Variants in BRD1 observed in about 807,000 individuals in gnomAD.
BRD1 encodes bromodomain containing 1.
Under a neutral mutation model 107.7 loss-of-function variants are expected in BRD1, and 24 were observed. That is an observed-to-expected ratio of 0.22 (90% CI 0.16 to 0.31). The LOEUF (loss-of-function observed/expected upper bound fraction) is 0.31, where lower values mean the gene tolerates loss of function less well. BRD1 is among the 10% of genes least tolerant of loss of function. The probability of loss-of-function intolerance (pLI) is 1.00; values close to 1 mark genes in which losing one functional copy is unlikely to be tolerated. For missense variants in BRD1, 1,279 were observed against 1,638.6 expected, an observed-to-expected ratio of 0.78 and a Z score of 3.79; for synonymous variants, 744 against 686.1, an observed-to-expected ratio of 1.08 and a Z score of -1.32.
At chr22:49,778,391 C>T (rs954978992) in intron 8 of BRD1, among the ~76,000 whole-genome samples, 4 of 152,234 alleles carry the variant, frequency 2.6e-5, no homozygotes, top group Admixed American at 1.3e-4. Flanking sequence ...CCGGGGCCAT[C>T]GCCGTGTCTG....
rs76884898 is a variant in BRD1 at position 49,780,381 on chromosome 22, G to A, written c.2858-2568C>T. 2.9e-3 allele frequency among the ~76,000 whole-genome samples: 447 copies of A among 152,342 alleles called. 15 individuals are homozygous for A. In the East Asian group the frequency reaches 0.074, roughly 25 times the overall value. On this transcript the variant is annotated intron_variant, in intron 8 of 12. Transcript: ENST00000404760. The stretch of plus-strand genomic sequence containing the variant: ...ACGCAAGAACACACAGAGGTTCTGC[G>A]TGTCACCCATGAAAATGTGACAGCA...
At chr22:49,815,913 G>A (rs1457938916) in intron 2 of BRD1, among the ~76,000 whole-genome samples, 6 of 152,186 alleles carry the variant, frequency 3.9e-5, no homozygotes, top group Admixed American at 3.9e-4. Flanking sequence ...CAAGCACAGG[G>A]AGCTGCCACC....
chr22:49,818,497 T>TTCAC, intron 2 of BRD1: 1 of 543,752 alleles, frequency 1.8e-6, no homozygotes, highest in Non-Finnish European at 2.4e-6. Flanking sequence ...TGAACTCTCA[T>TTCAC]GTGAATGAGT....
intron 12 of BRD1, among the ~76,000 whole-genome samples, chr22:49,775,063 A>G (rs1008037132): frequency 3.3e-5 from 5 of 152,208 alleles, no homozygotes; most frequent in African/African-American, 1.2e-4. Context: ...TCCTGCACAG[A>G]GGGATCTTGG....
rs150089772 is a variant in BRD1, at chr22:49,794,109, G to A, written c.2284C>T (p.Pro762Ser). 16 of 1,614,104 alleles carry A rather than the reference G, an allele frequency of 9.9e-6. No homozygotes were observed. In the African/African-American group the frequency reaches 1.9e-4, roughly 19 times the overall value. The change falls in exon 7 of 13, where the codon CCC becomes TCC. Residue 762 changes from proline to serine, a missense_variant. By Grantham distance (74) the Pro-to-Ser change is moderately conservative. Transcript: ENST00000404760. ...TCCAAGCCTGGCCCCGTGGGCAGGG[G>A]CTGGCTGTGCTGCTGGCTCAGCTTG... ...RNKLSQQHSQ[P>S]LPTGPGLEGF... is the part of the protein sequence containing the mutation.
chr22:49,798,303 G>T (rs1178077613), intron 5 of BRD1, among the ~76,000 whole-genome samples, 186 bp from the exon 6 acceptor site: 1 of 152,202 alleles, frequency 6.6e-6, no homozygotes, highest in African/African-American at 2.4e-5. Context: ...TTCAGCTAAA[G>T]CACGCTGGAG....
chr22:49,796,094 T>C (rs1172592329), intron 6 of BRD1, among the ~76,000 whole-genome samples: 1 of 129,746 alleles, frequency 7.7e-6, no homozygotes, highest in East Asian at 2.0e-4. Flanking sequence ...CCATTGTGTT[T>C]TCTTTTTTTT....
chr22:49,778,510 G>GT (rs1340290447), intron 8 of BRD1, among the ~76,000 whole-genome samples: 1 of 152,166 alleles, frequency 6.6e-6, no homozygotes, highest in East Asian at 1.9e-4. Flanking sequence ...GCAAATCTCA[G>GT]TATTTTCCCC....
rs1270219044 is a variant in BRD1 at position 49,827,360 on chromosome 22, A to AGCC, written c.-15+134_-15+136dup. On this transcript the variant is annotated intron_variant, in intron 1 of 12. Coordinates refer to ENST00000404760, the MANE Select transcript of BRD1 (RefSeq NM_001304808.3). ...GGCTCCCGGCCCGCAGACAATGCGGAGCCGCCGCCGCCGCCGCCGCCGCCA... is the reference window on the plus strand; with the variant it reads ...GGCTCCCGGCCCGCAGACAATGCGGAGCCGCCGCCGCCGCCGCCGCCGCCGCCA... The AGCC allele has an allele frequency of 9.7e-3, 1,476 of 151,438 alleles. 14 individuals carry two copies. Among genetic ancestry groups the AGCC allele is most frequent in the African/African-American group, 0.024 (953 of 39,190 alleles). The allele number at this position is 151,438 out of a possible 1,614,324, so 9.4% of individuals were successfully genotyped here.
intron 1 of BRD1, among the ~76,000 whole-genome samples, chr22:49,826,901 C>A (rs2060153173): frequency 6.6e-6 from 1 of 152,188 alleles, no homozygotes; most frequent in Non-Finnish European, 1.5e-5. Flanking sequence ...GCGCCTCAAT[C>A]GTGTCACTCG....
intron 2 of BRD1, among the ~76,000 whole-genome samples, chr22:49,807,419 C>A (rs1244293334): frequency 6.6e-6 from 1 of 152,190 alleles, no homozygotes; most frequent in African/African-American, 2.4e-5. Flanking sequence ...AAAGGACACA[C>A]ATATAGACCA....
chr22:49,798,008 T>A lies in BRD1; in HGVS notation c.1895A>T (p.Asp632Val). ...CTTCATGCAGTTATCTATAATGAGA[T>A]CAAAATCCTCCTCAAACTCATGGAG... is the stretch of plus-strand genomic sequence containing the variant. ...KNLHEFEEDFDLIIDNCMKYN... is the reference protein window; with the variant it reads ...KNLHEFEEDFVLIIDNCMKYN... Residue 632 changes from aspartate to valine, a missense_variant, in exon 6 of 13, where the codon GAT (aspartate) becomes GTT (valine). By Grantham distance (152) the Asp-to-Val change is radical. This residue lies in a region of BRD1 where 406 missense variants were observed against 519.4 expected (regional missense o/e 0.78). Coordinates refer to ENST00000404760, the MANE Select transcript of BRD1 (RefSeq NM_001304808.3). The A allele has an allele frequency of 6.2e-7, 1 of 1,614,220 alleles. No individual in the cohort carries two copies. The highest frequency in any genetic ancestry group is 8.5e-7 in the Non-Finnish European group (1 of 1,180,028).
chr22:49,792,589 C>T lies in BRD1; in HGVS notation c.2359+1445G>A, dbSNP rs936204720. ...GGGAGAAGAGAAAACCAAGCGCTCA[C>T]CTTGAAATAGAAAAGCCTTTATTCT... On this transcript the variant is annotated intron_variant, in intron 7 of 12. Transcript: ENST00000404760. This position sits in a 1 kb window ranked among gnomAD's most constrained non-coding sequence, Gnocchi z 4.2. Among the ~76,000 whole-genome samples the T allele has an allele frequency of 6.6e-6, 1 of 152,206 alleles. No individual in the cohort carries two copies. The highest frequency in any genetic ancestry group is 2.4e-5 in the African/African-American group (1 of 41,450).
intron 1 of BRD1, among the ~76,000 whole-genome samples, chr22:49,826,653 G>A (rs964023132): frequency 6.6e-6 from 1 of 152,160 alleles, no homozygotes; most frequent in Non-Finnish European, 1.5e-5. Context: ...CGCGGCCGCT[G>A]AGCTGTGCGA....
At chr22:49,790,167 C>G (rs775541143) in intron 7 of BRD1, among the ~76,000 whole-genome samples, 6 of 152,146 alleles carry the variant, frequency 3.9e-5, no homozygotes, top group Non-Finnish European at 7.4e-5. Flanking sequence ...CGGGACCACA[C>G]AGGCCCCTCC....
intron 7 of BRD1, among the ~76,000 whole-genome samples, chr22:49,789,223 G>A (rs529318308): frequency 1.7e-4 from 26 of 152,330 alleles, no homozygotes; most frequent in African/African-American, 6.0e-4. Flanking sequence ...GGGCACATGC[G>A]AGGTGACAAA....
chr22:49,819,595 C>T lies in BRD1; in HGVS notation c.1367+3356G>A, dbSNP rs555344796. On this transcript the variant is annotated intron_variant, in intron 2 of 12. Transcript: ENST00000404760. Reference sequence around the variant, plus strand: ...CCTCCTGAATAGCTGGGATTACAGGCGCGCACCACCACGCCTGGCTAATTT... The same window carrying T: ...CCTCCTGAATAGCTGGGATTACAGGTGCGCACCACCACGCCTGGCTAATTT... 9.2e-5 allele frequency among the ~76,000 whole-genome samples: 14 copies of T among 152,016 alleles called. No individual in the cohort carries two copies. In the South Asian group the frequency reaches 1.0e-3, roughly 11 times the overall value.
At chr22:49,797,750 G>C in intron 6 of BRD1, 55 bp downstream of exon 6, 1 of 1,516,642 alleles carries the variant, frequency 6.6e-7, no homozygotes, top group Non-Finnish European at 8.8e-7. Flanking sequence ...GAGCAGGACA[G>C]AGTCTGCTAG....
chr22:49,796,710 C>T (rs2059538983), intron 6 of BRD1, among the ~76,000 whole-genome samples: 2 of 152,324 alleles, frequency 1.3e-5, no homozygotes, highest in South Asian at 2.1e-4. Flanking sequence ...TCACAGGTGC[C>T]GAGTGCTGCG....
Sources: gnomAD v4.1 joint callset for allele counts (sites outside exome capture counted in the v4.1 genomes callset) on GRCh38, gnomAD v4.1.1 for gene constraint, gnomAD v4.1.1 regional missense constraint, Gnocchi (gnomAD v3.1) non-coding constraint, MANE v1.5 for transcripts, NCBI Gene and HGNC (gene_info 2026-07-23, HGNC 2026-07-21) for gene names.